Variants in CTNNA2 observed in about 807,000 individuals in gnomAD.
CTNNA2 encodes catenin alpha 2, also known as catenin alpha-2.
CTNNA2 carries 42 observed loss-of-function variants against 101.0 expected under a neutral mutation model. The ratio of observed to expected loss-of-function variants is 0.42; its 90% CI spans 0.32 to 0.54. The LOEUF (loss-of-function observed/expected upper bound fraction) is 0.54. CTNNA2 is among the 20% of genes least tolerant of loss of function. CTNNA2 has a pLI of 0.14. For synonymous variants in CTNNA2, 450 were observed against 456.4 expected, an observed-to-expected ratio of 0.99 and a Z score of 0.18; for missense variants, 871 against 1,223.1, an observed-to-expected ratio of 0.71 and a Z score of 4.29.
intron 7 of CTNNA2, among the ~76,000 whole-genome samples, chr2:80,210,982 T>C (rs1201843496): frequency 6.6e-6 from 1 of 152,236 alleles, no homozygotes; most frequent in Non-Finnish European, 1.5e-5. Flanking sequence ...ATGAACATTT[T>C]TTCATGTGTC....
intron 3 of CTNNA2, among the ~76,000 whole-genome samples, chr2:79,336,807 G>A (rs1386460523): frequency 6.6e-6 from 1 of 152,122 alleles, no homozygotes; most frequent in Non-Finnish European, 1.5e-5. Flanking sequence ...ACATTGCAAG[G>A]CCAATTTAGA....
At chr2:79,982,413 CAT>C (rs1407078563) in intron 7 of CTNNA2, among the ~76,000 whole-genome samples, 1 of 144,620 alleles carries the variant, frequency 6.9e-6, no homozygotes, top group Admixed American at 7.0e-5. Flanking sequence ...ACATATAACA[CAT>C]ATATAACACA....
chr2:79,492,668 A>G (rs969310287), intron 4 of CTNNA2, among the ~76,000 whole-genome samples: 2 of 152,176 alleles, frequency 1.3e-5, no homozygotes, highest in African/African-American at 2.4e-5. Flanking sequence ...AAGTATTAAT[A>G]CACATTTTTT....
chr2:80,364,407 C>CA (rs921949286), intron 7 of CTNNA2, among the ~76,000 whole-genome samples: 5 of 151,796 alleles, frequency 3.3e-5, no homozygotes, highest in Non-Finnish European at 7.4e-5. Context: ...ACACAGTTTA[C>CA]AAAAAAGGAG....
chr2:80,354,978 C>T (rs1673644144), intron 7 of CTNNA2, among the ~76,000 whole-genome samples: 1 of 152,056 alleles, frequency 6.6e-6, no homozygotes. Flanking sequence ...AGGGAGTGCA[C>T]TTAGTGGTAG....
chr2:80,559,765 A>G lies in CTNNA2; in HGVS notation c.1741+3872A>G, dbSNP rs956720559. ...CCTGAATTATAACAAATTGCCAAAC[A>G]GCTTAGTAGTAAGTACACGCTTGAC... On this transcript the variant is annotated intron_variant, in intron 12 of 18. Coordinates refer to ENST00000402739, the MANE Select transcript of CTNNA2 (RefSeq NM_001282597.3). Among the ~76,000 whole-genome samples, 5 of 152,054 alleles carry G rather than the reference A, an allele frequency of 3.3e-5. 1 individual carries two copies. The highest frequency in any genetic ancestry group is 7.2e-5 in the African/African-American group (3 of 41,404).
intron 3 of CTNNA2, among the ~76,000 whole-genome samples, chr2:79,768,149 G>A (rs1673297969): frequency 1.3e-5 from 2 of 151,560 alleles, no homozygotes; most frequent in East Asian, 2.0e-4. Context: ...AGCCGAGTTT[G>A]GTCTGATTTT....
At chr2:80,015,685 A>T (rs140813984) in intron 7 of CTNNA2, among the ~76,000 whole-genome samples, 1 of 152,330 alleles carries the variant, frequency 6.6e-6, no homozygotes, top group African/African-American at 2.4e-5. Context: ...ATCAGATATG[A>T]TAATCCACGT....
chr2:79,354,734 G>C (rs1558642520), intron 3 of CTNNA2, among the ~76,000 whole-genome samples: 1 of 152,114 alleles, frequency 6.6e-6, no homozygotes, highest in Admixed American at 6.5e-5. Context: ...GAAGTCCACT[G>C]TGAGAGTGAA....
At chr2:79,321,817 A>ACACACT (rs1467677161) in intron 3 of CTNNA2, among the ~76,000 whole-genome samples, 2 of 149,400 alleles carry the variant, frequency 1.3e-5, no homozygotes, top group Non-Finnish European at 3.0e-5. Flanking sequence ...ACACACACAC[A>ACACACT]CAAATGCACA....
At chr2:80,368,749 TGGCTGATA>T (rs1179113299) in intron 7 of CTNNA2, among the ~76,000 whole-genome samples, 14 of 150,192 alleles carry the variant, frequency 9.3e-5, no homozygotes, top group Admixed American at 2.0e-4. Context: ...CTGTTTTCAA[TGGCTGATA>T]GGTTTGCCAT....
At chr2:80,357,502 C>T (rs1673952609) in intron 7 of CTNNA2, among the ~76,000 whole-genome samples, 2 of 152,036 alleles carry the variant, frequency 1.3e-5, no homozygotes, top group African/African-American at 4.8e-5. Flanking sequence ...GGGCACAAAG[C>T]AGATGCCTCT....
chr2:80,581,077 G>A (rs1695495452), intron 13 of CTNNA2, among the ~76,000 whole-genome samples: 1 of 152,136 alleles, frequency 6.6e-6, no homozygotes, highest in South Asian at 2.1e-4. Flanking sequence ...CTCTGTGTCT[G>A]ATACTATACA....
At chr2:80,128,814 G>T (rs1702265264) in intron 7 of CTNNA2, among the ~76,000 whole-genome samples, 1 of 152,094 alleles carries the variant, frequency 6.6e-6, no homozygotes, top group South Asian at 2.1e-4. Flanking sequence ...TCTTAGACCA[G>T]GTTTGGGAGT....
rs562257806 is a variant in CTNNA2, at chr2:79,815,194, G to A, written c.299-42819G>A. ...TCGTTCTTTGTCAGATGTATAGATT[G>A]TGAAGATTTTCTCCCACTCTGTGGT... On this transcript the variant is annotated intron_variant, in intron 3 of 18. Coordinates refer to ENST00000402739, the MANE Select transcript of CTNNA2 (RefSeq NM_001282597.3). 1.5e-4 allele frequency among the ~76,000 whole-genome samples: 23 copies of A among 152,194 alleles called. No homozygotes were observed. The South Asian group carries it at 4.6e-3, about 30-fold the overall frequency.
At chr2:79,529,873 G>A (rs1672635414) in intron 1 of CTNNA2, among the ~76,000 whole-genome samples, 1 of 151,786 alleles carries the variant, frequency 6.6e-6, no homozygotes. Context: ...GGTAAGAAAT[G>A]ACTCAAGCAG....
chr2:79,753,475 G>A (rs916700176), intron 3 of CTNNA2, among the ~76,000 whole-genome samples: 2 of 152,088 alleles, frequency 1.3e-5, no homozygotes, highest in Admixed American at 6.6e-5. Context: ...CTGTCACCCC[G>A]TTATTATATC....
At chr2:79,786,489 AT>A (rs544545517) in intron 3 of CTNNA2, among the ~76,000 whole-genome samples, 5 of 151,194 alleles carry the variant, frequency 3.3e-5, no homozygotes, top group Non-Finnish European at 5.9e-5. Flanking sequence ...AAGTAAAGAT[AT>A]TTTTTTTTCT....
intron 7 of CTNNA2, among the ~76,000 whole-genome samples, chr2:80,367,319 C>T (rs1269540228): frequency 6.6e-6 from 1 of 152,062 alleles, no homozygotes; most frequent in Non-Finnish European, 1.5e-5. Context: ...TTTGAGACCT[C>T]CGACTGACTA....
Sources: allele counts gnomAD v4.1 joint callset (sites outside exome capture counted in the v4.1 genomes callset), GRCh38; gene constraint gnomAD v4.1.1; transcripts MANE v1.5; gene names NCBI Gene and HGNC (gene_info 2026-07-23, HGNC 2026-07-21).